Variants in KIAA1217 observed in about 807,000 individuals in gnomAD.
The protein encoded by KIAA1217 is KIAA1217.
In KIAA1217, 88 loss-of-function variants were observed where a neutral mutation model predicts 163.9. That is an observed-to-expected ratio of 0.54 (90% CI 0.45 to 0.64). The LOEUF is 0.64. Ranked by LOEUF, KIAA1217 falls within the 30% of genes least tolerant of loss-of-function variation. The probability of loss-of-function intolerance (pLI) is 0.00; values close to 1 mark genes in which losing one functional copy is unlikely to be tolerated. For synonymous variants in KIAA1217, 903 were observed against 923.1 expected (o/e 0.98, Z 0.39); for missense variants, 2,372 against 2,475.0 (o/e 0.96, Z 0.88).
intron 6 of KIAA1217, among the ~76,000 whole-genome samples, chr10:24,474,903 T>C (rs1388532123): frequency 1.3e-5 from 2 of 152,196 alleles, no homozygotes; most frequent in Non-Finnish European, 2.9e-5. Flanking sequence ...TATTGTTATA[T>C]ATGAATCAAG....
chr10:24,157,090 C>G (rs1234057795), intron 2 of KIAA1217, among the ~76,000 whole-genome samples: 2 of 152,164 alleles, frequency 1.3e-5, no homozygotes, highest in Admixed American at 6.5e-5. Flanking sequence ...AATTACAAAA[C>G]TGTTGCCCAA....
intron 2 of KIAA1217, among the ~76,000 whole-genome samples, chr10:24,359,710 T>C (rs1290339799): frequency 6.6e-6 from 1 of 152,212 alleles, no homozygotes; most frequent in African/African-American, 2.4e-5. Flanking sequence ...CCTTAGGAAA[T>C]TAGAAATTCT....
chr10:24,433,078 C>G lies in KIAA1217; in HGVS notation c.637C>G (p.Leu213Val). 1 of 1,614,116 alleles carries G rather than the reference C, an allele frequency of 6.2e-7. No individual in the cohort carries two copies. Among genetic ancestry groups the G allele is most frequent in the Non-Finnish European group, 8.5e-7 (1 of 1,180,016 alleles). Residue 213 changes from leucine (L) to valine (V), a missense_variant, in exon 4 of 21, where the codon CTC becomes GTC. By Grantham distance (32) the Leu-to-Val change is conservative. This residue lies in a region of KIAA1217 where 1,431 missense variants were observed against 1,470.3 expected (regional missense o/e 0.97). Coordinates refer to ENST00000376454, the MANE Select transcript of KIAA1217 (RefSeq NM_019590.5). ...CACAAGTGCAGACACAATCCGTGCT[C>G]TCTTCGTAAGTGCCTTTCCACAGCA... ...EITSADTIRA[L>V]FVSAFPQQLT...
rs111450982 is a variant in KIAA1217, at chr10:23,974,801, T to C, written c.-320-32424T>C. Among the ~76,000 whole-genome samples the C allele has an allele frequency of 6.1e-4, 93 of 152,292 alleles. 1 individual carries two copies. The highest frequency in any genetic ancestry group is 1.1e-3 in the Non-Finnish European group (78 of 68,028). Reference sequence around the variant, plus strand: ...GAAACACCAAGTACGACGCCAGCCATAAAGTAGGAACTCAGTATAAGCTAC... The same window carrying C: ...GAAACACCAAGTACGACGCCAGCCACAAAGTAGGAACTCAGTATAAGCTAC... On this transcript the variant is annotated intron_variant, in intron 1 of 18. Coordinates refer to the KIAA1217 transcript ENST00000376462.
chr10:24,198,192 C>T (rs368563049), intron 2 of KIAA1217, among the ~76,000 whole-genome samples: 1 of 152,324 alleles, frequency 6.6e-6, no homozygotes, highest in East Asian at 1.9e-4. Flanking sequence ...TATTTCTGTC[C>T]GATTCCAGAA....
intron 2 of KIAA1217, among the ~76,000 whole-genome samples, chr10:24,171,630 C>G (rs912779371): frequency 6.6e-6 from 1 of 152,036 alleles, no homozygotes; most frequent in South Asian, 2.1e-4. Context: ...CATGGAGAAA[C>G]CCCGTCTCTA....
chr10:24,129,983 C>T lies in KIAA1217; in HGVS notation c.-170-89643C>T, dbSNP rs150011869. ...GCATAACCTTTGACTTCCTGTACCC[C>T]CTTCCTCCTTTCCTAATAAGACCTT... On this transcript the variant is annotated intron_variant, in intron 2 of 18. Transcript: ENST00000376462. 7.9e-3 allele frequency among the ~76,000 whole-genome samples: 1,204 copies of T among 152,160 alleles called. 6 individuals carry two copies. The highest frequency in any genetic ancestry group is 0.013 in the Non-Finnish European group (916 of 68,002).
chr10:24,468,392 G>A lies in KIAA1217; in HGVS notation c.847-4836G>A, dbSNP rs563533029. Among the ~76,000 whole-genome samples the A allele has an allele frequency of 1.2e-3, 178 of 152,282 alleles. 1 individual carries two copies. The highest frequency in any genetic ancestry group is 5.7e-4 in the Non-Finnish European group (39 of 68,030). ...GTTTAGAGCCAAGGATGAAATACAT[G>A]ATCCTGGTTCTTTTTAAAACTCCGT... On this transcript the variant is annotated intron_variant, in intron 5 of 20. Transcript: ENST00000376454.
chr10:24,457,958 G>A (rs1238295363), intron 5 of KIAA1217, among the ~76,000 whole-genome samples: 2 of 152,162 alleles, frequency 1.3e-5, no homozygotes, highest in African/African-American at 2.4e-5. Context: ...ATACTCAAAG[G>A]CCCACCTGGC....
intron 2 of KIAA1217, among the ~76,000 whole-genome samples, chr10:24,149,015 G>T (rs2064474024): frequency 6.6e-6 from 1 of 152,016 alleles, no homozygotes; most frequent in South Asian, 2.1e-4. Flanking sequence ...TGAGAATCTT[G>T]GTGTTGGCCT....
At chr10:24,260,954 A>G (rs1172318162) in intron 2 of KIAA1217, among the ~76,000 whole-genome samples, 1 of 152,122 alleles carries the variant, frequency 6.6e-6, no homozygotes, top group Non-Finnish European at 1.5e-5. Flanking sequence ...TGACATAATA[A>G]TGGGTTCACA....
At chr10:24,350,618 TTTTA>T (rs2048338226) in intron 2 of KIAA1217, among the ~76,000 whole-genome samples, 1 of 152,218 alleles carries the variant, frequency 6.6e-6, no homozygotes, top group African/African-American at 2.4e-5. Context: ...ATTCTACTTC[TTTTA>T]TTTAATTTTT....
At chr10:24,023,307 C>T (rs1847810739) in intron 2 of KIAA1217, among the ~76,000 whole-genome samples, 2 of 151,490 alleles carry the variant, frequency 1.3e-5, no homozygotes, top group African/African-American at 4.8e-5. Context: ...ATTTTATAAC[C>T]ATTCTGGCAA....
rs750860290 is a variant in KIAA1217, at chr10:23,944,260, A to G, written c.-320-62965A>G. On this transcript the variant is annotated intron_variant, in intron 1 of 18. Transcript: ENST00000376462. ...GGCAACATGGGGAAACCCCATATCT[A>G]CTAAAAATACAAAAATTACCCAGGT... is the stretch of plus-strand genomic sequence containing the variant. Among the ~76,000 whole-genome samples the G allele has an allele frequency of 3.3e-5, 5 of 152,110 alleles. 1 individual carries two copies. The highest frequency in any genetic ancestry group is 6.5e-5 in the Admixed American group (1 of 15,278).
intron 2 of KIAA1217, among the ~76,000 whole-genome samples, chr10:24,368,366 A>T (rs1040458729): frequency 2.0e-5 from 3 of 152,098 alleles, no homozygotes; most frequent in African/African-American, 7.2e-5. Flanking sequence ...TTTTCCCATC[A>T]TAAGTAGTAC....
intron 2 of KIAA1217, among the ~76,000 whole-genome samples, chr10:24,092,769 G>C (rs2061982523): frequency 6.6e-6 from 1 of 151,748 alleles, no homozygotes; most frequent in Non-Finnish European, 1.5e-5. Context: ...GAACTACTAT[G>C]GGATAGCATG....
chr10:24,545,871 T>G lies in KIAA1217; in HGVS notation c.5379T>G (p.Thr1793=). Reference sequence around the variant, plus strand: ...AATCTGGTGGGGACTTTAAGCCTACTTCCCCCTCCTTACCTGCTTCTAAGA... The same window carrying G: ...AATCTGGTGGGGACTTTAAGCCTACGTCCCCCTCCTTACCTGCTTCTAAGA... ...AKKSGGDFKP[T]SPSLPASKIP... Residue 1793 remains threonine (T), a synonymous_variant, in exon 21 of 21, where the codon ACT becomes ACG. Transcript: ENST00000376454. 6.2e-6 allele frequency: 10 copies of G among 1,611,784 alleles called. No homozygotes were observed. The highest frequency in any genetic ancestry group is 8.5e-6 in the Non-Finnish European group (10 of 1,179,068).
intron 1 of KIAA1217, among the ~76,000 whole-genome samples, chr10:23,914,260 C>A (rs1296312437): frequency 1.3e-5 from 2 of 152,104 alleles, no homozygotes; most frequent in African/African-American, 4.8e-5. Context: ...GTGTGATGGG[C>A]CACATCTGAG....
chr10:24,476,087 A>G (rs1482386350), intron 6 of KIAA1217, among the ~76,000 whole-genome samples: 1 of 152,208 alleles, frequency 6.6e-6, no homozygotes, highest in Admixed American at 6.5e-5. Context: ...CTTGGATGAT[A>G]AAAACCTGAA....
Sources: gnomAD v4.1 joint callset for allele counts (sites outside exome capture counted in the v4.1 genomes callset) on GRCh38, gnomAD v4.1.1 for gene constraint, gnomAD v4.1.1 regional missense constraint, MANE v1.5 for transcripts, NCBI Gene and HGNC (gene_info 2026-07-23, HGNC 2026-07-21) for gene names.